SPOCK3: variants seen among roughly 807,000 people sequenced by gnomAD.
SPOCK3 encodes testican-3.
Under a neutral mutation model 56.6 loss-of-function variants are expected in SPOCK3, and 30 were observed. The observed-to-expected ratio is 0.53, with a 90% CI of 0.40 to 0.72. SPOCK3 has a LOEUF of 0.72. Among genes scored for constraint, SPOCK3 ranks in the 30% least tolerant of loss-of-function variants. The pLI, the probability that SPOCK3 is intolerant of heterozygous loss-of-function variation, is 0.00. For missense variants in SPOCK3, 527 were observed against 530.0 expected, an observed-to-expected ratio of 0.99 and a Z score of 0.06; for synonymous variants, 196 against 183.3, an observed-to-expected ratio of 1.07 and a Z score of -0.56.
intron 6 of SPOCK3, among the ~76,000 whole-genome samples, chr4:166,842,136 T>C (rs1747465416): frequency 6.6e-6 from 1 of 152,166 alleles, no homozygotes; most frequent in Non-Finnish European, 1.5e-5. Context: ...CAGTGAGTGT[T>C]ATAGCTCATA....
At chr4:167,039,534 T>C (rs1021759988) in intron 3 of SPOCK3, among the ~76,000 whole-genome samples, 1 of 152,178 alleles carries the variant, frequency 6.6e-6, no homozygotes, top group Non-Finnish European at 1.5e-5. Context: ...TCTATACATA[T>C]GTATTTTTTT....
chr4:167,112,899 C>A (rs79578518), intron 2 of SPOCK3, among the ~76,000 whole-genome samples: 1 of 151,892 alleles, frequency 6.6e-6, no homozygotes, highest in African/African-American at 2.4e-5. Context: ...CCAAGAACTA[C>A]ATGAAAGTAG....
intron 2 of SPOCK3, among the ~76,000 whole-genome samples, chr4:167,070,719 G>A (rs185527722): frequency 1.3e-5 from 2 of 151,920 alleles, no homozygotes; most frequent in Admixed American, 6.6e-5. Context: ...ATCTTATTAG[G>A]GGAAGAATGG....
At chr4:167,056,282 C>A (rs188985678) in intron 3 of SPOCK3, among the ~76,000 whole-genome samples, 1 of 152,006 alleles carries the variant, frequency 6.6e-6, no homozygotes. Flanking sequence ...AGAAACCCAT[C>A]TGTACATCAC....
At chr4:166,793,600 A>G (rs1488734443) in intron 6 of SPOCK3, among the ~76,000 whole-genome samples, 2 of 151,892 alleles carry the variant, frequency 1.3e-5, no homozygotes, top group Admixed American at 1.3e-4. Context: ...AATTAAAAGG[A>G]ATCCCCCAGT....
chr4:167,196,980 AC>A (rs1365474504), intron 2 of SPOCK3, among the ~76,000 whole-genome samples: 1 of 152,158 alleles, frequency 6.6e-6, no homozygotes, highest in African/African-American at 2.4e-5. Context: ...CATGGGAATG[AC>A]CTTCTATTAC....
Position 167,126,498 on chromosome 4 carries a change from G to T in SPOCK3, c.190-63961C>A, listed in dbSNP as rs540948355. Among the ~76,000 whole-genome samples, 42 of 152,052 alleles carry T rather than the reference G, an allele frequency of 2.8e-4. 1 individual carries two copies. The South Asian group carries it at 5.2e-3, about 19-fold the overall frequency. On this transcript the variant is annotated intron_variant, in intron 2 of 10. Coordinates refer to ENST00000357545, the MANE Select transcript of SPOCK3 (RefSeq NM_001040159.2). ...CAGGAGGCAGAGGTTTCAGTGAGCC[G>T]ATATCATGCTATTGCACTCTAGCCT...
intron 3 of SPOCK3, among the ~76,000 whole-genome samples, chr4:167,025,740 A>AATTTTAAAGACACTACG (rs879694700): frequency 2.4e-4 from 36 of 152,046 alleles, no homozygotes; most frequent in Non-Finnish European, 4.4e-4. Context: ...TCATTCTTAC[A>AATTTTAAAGACACTACG]TTTTAAAAAC....
At chr4:166,870,146 C>A (rs1364536607) in intron 6 of SPOCK3, among the ~76,000 whole-genome samples, 2 of 152,066 alleles carry the variant, frequency 1.3e-5, no homozygotes, top group African/African-American at 2.4e-5. Context: ...CACCAGAGGG[C>A]AATGCTGGTC....
At chr4:166,903,154 AT>A (rs1297363541) in intron 5 of SPOCK3, among the ~76,000 whole-genome samples, 3 of 147,568 alleles carry the variant, frequency 2.0e-5, no homozygotes, top group Non-Finnish European at 4.5e-5. Context: ...TTATAATTTA[AT>A]TTATTAAAAA....
chr4:166,772,800 G>A (rs189930630), intron 7 of SPOCK3, among the ~76,000 whole-genome samples: 45 of 152,002 alleles, frequency 3.0e-4, no homozygotes, highest in Non-Finnish European at 5.9e-4. Context: ...CTTTTTGTTT[G>A]TTTGCTTTTG....
intron 2 of SPOCK3, among the ~76,000 whole-genome samples, chr4:167,209,083 G>A (rs897139709): frequency 6.6e-6 from 1 of 151,960 alleles, no homozygotes; most frequent in Non-Finnish European, 1.5e-5. Flanking sequence ...ACAACTACTA[G>A]AGTCACCACT....
At chr4:167,226,824 G>C (rs1044999458) in intron 2 of SPOCK3, among the ~76,000 whole-genome samples, 5 of 151,968 alleles carry the variant, frequency 3.3e-5, no homozygotes, top group African/African-American at 1.2e-4. Context: ...GCCCAGGCCT[G>C]GACACCCGTT....
intron 4 of SPOCK3, among the ~76,000 whole-genome samples, chr4:166,981,472 G>A (rs1746562797): frequency 6.6e-6 from 1 of 152,076 alleles, no homozygotes; most frequent in South Asian, 2.1e-4. Context: ...CCGACAAGTT[G>A]AAGAGACTCT....
intron 2 of SPOCK3, among the ~76,000 whole-genome samples, chr4:167,191,910 C>T (rs1048091755): frequency 6.9e-6 from 1 of 145,492 alleles, no homozygotes; most frequent in African/African-American, 2.6e-5. Flanking sequence ...AGGTTGGCCA[C>T]AAGCTTCTCA....
At chr4:167,158,239 A>T (rs913101681) in intron 2 of SPOCK3, among the ~76,000 whole-genome samples, 2 of 152,026 alleles carry the variant, frequency 1.3e-5, no homozygotes, top group African/African-American at 4.8e-5. Context: ...GAAATAGGAT[A>T]TACACTATAG....
intron 6 of SPOCK3, among the ~76,000 whole-genome samples, chr4:166,799,471 A>G (rs1016479891): frequency 6.6e-6 from 1 of 152,208 alleles, no homozygotes; most frequent in African/African-American, 2.4e-5. Context: ...TTCGGAAGAT[A>G]CTGAGGCTAC....
intron 2 of SPOCK3, among the ~76,000 whole-genome samples, chr4:167,126,591 C>T (rs934840669): frequency 7.3e-5 from 11 of 150,092 alleles, no homozygotes; most frequent in African/African-American, 2.7e-4. Flanking sequence ...TATTGATAAG[C>T]TTATATACCT....
At chr4:166,868,794 A>G (rs1331477321) in intron 6 of SPOCK3, among the ~76,000 whole-genome samples, 1 of 152,130 alleles carries the variant, frequency 6.6e-6, no homozygotes, top group Non-Finnish European at 1.5e-5. Context: ...ACATTTCTCA[A>G]ACTACTTGGA....
Sources: allele counts gnomAD v4.1 joint callset (sites outside exome capture counted in the v4.1 genomes callset), GRCh38; gene constraint gnomAD v4.1.1; transcripts MANE v1.5; gene names NCBI Gene and HGNC (gene_info 2026-07-23, HGNC 2026-07-21).